OTUD7A: variants seen among roughly 807,000 people sequenced by gnomAD.
The protein encoded by OTUD7A is OTU deubiquitinase 7A, also known as OTU domain-containing protein 7A.
In OTUD7A, 12 loss-of-function variants were observed where a neutral mutation model predicts 65.7. That is an observed-to-expected ratio of 0.18 (90% CI 0.12 to 0.30). The LOEUF (loss-of-function observed/expected upper bound fraction) is 0.30, where lower values mean the gene tolerates loss of function less well. Ranked by LOEUF, OTUD7A falls within the 10% of genes least tolerant of loss-of-function variation. The probability of loss-of-function intolerance (pLI) is 1.00; values close to 1 mark genes in which losing one functional copy is unlikely to be tolerated. For missense variants in OTUD7A, 1,148 were observed against 1,304.8 expected (o/e 0.88, Z 1.85); for synonymous variants, 641 against 586.3 (o/e 1.09, Z -1.35).
At chr15:31,556,267 A>G (rs1447527352) in intron 5 of OTUD7A, 5 of 152,210 alleles carry the variant, frequency 3.3e-5, no homozygotes, top group South Asian at 2.1e-4. Context: ...CTCCCTGAAG[A>G]GTGAGACCCA....
chr15:31,524,349 A>G (rs2041981063), intron 8 of OTUD7A, among the ~76,000 whole-genome samples: 1 of 151,976 alleles, frequency 6.6e-6, no homozygotes, highest in Admixed American at 6.5e-5. Flanking sequence ...TAATGATCAG[A>G]CCAAATTTTG....
intron 5 of OTUD7A, among the ~76,000 whole-genome samples, chr15:31,540,282 G>A (rs1325783426): frequency 1.3e-5 from 2 of 152,144 alleles, no homozygotes; most frequent in African/African-American, 4.8e-5. Context: ...TCCCACAAAG[G>A]AGGTGAAAGA....
chr15:31,501,989 G>A (rs2041475828), intron 9 of OTUD7A, 150 bp from the exon 10 acceptor site: 1 of 868,622 alleles, frequency 1.2e-6, no homozygotes, highest in Non-Finnish European at 1.7e-6. Flanking sequence ...GCTGAGGGAT[G>A]GGGCTGAGGG....
intron 1 of OTUD7A, among the ~76,000 whole-genome samples, chr15:31,715,389 C>T (rs1048631603): frequency 1.1e-4 from 17 of 150,510 alleles, no homozygotes; most frequent in African/African-American, 3.9e-4. Context: ...GGACTGACTT[C>T]ACCTGGAAGA....
chr15:31,613,394 C>T (rs1410882881), intron 3 of OTUD7A, among the ~76,000 whole-genome samples: 1 of 152,142 alleles, frequency 6.6e-6, no homozygotes. Flanking sequence ...ACAATCTATA[C>T]ATTTGAGAAA....
rs1266189769 is a variant in OTUD7A at position 31,647,041 on chromosome 15, T to C, written c.151+8055A>G. Among the ~76,000 whole-genome samples, 6 of 152,340 alleles carry C rather than the reference T, an allele frequency of 3.9e-5. No individual in the cohort carries two copies. The East Asian group carries it at 9.6e-4, about 24-fold the overall frequency. ...AATTCTGATCTGGAGATGTTTATTT[T>C]TATTTTTTTTGACATTTTTTCCCCA... On this transcript the variant is annotated intron_variant, in intron 3 of 12. Transcript: ENST00000307050.
At chr15:31,795,850 G>A (rs1338149577) in intron 1 of OTUD7A, among the ~76,000 whole-genome samples, 1 of 152,162 alleles carries the variant, frequency 6.6e-6, no homozygotes, top group Non-Finnish European at 1.5e-5. Context: ...ATGTATCCCT[G>A]TAGGGCAAAG....
rs373717716 is a variant in OTUD7A, at chr15:31,722,957, G to A, written c.-99-65880C>T. On this transcript the variant is annotated intron_variant, in intron 1 of 12. Coordinates refer to ENST00000307050, the MANE Select transcript of OTUD7A (RefSeq NM_001382637.1). Reference sequence around the variant, plus strand: ...TTAGCCCCCTGACAGCAGTGTAGATGGGAAGAGAGCAGGGAAGATGTTGCT... The same window carrying A: ...TTAGCCCCCTGACAGCAGTGTAGATAGGAAGAGAGCAGGGAAGATGTTGCT... 2.3e-4 allele frequency among the ~76,000 whole-genome samples: 35 copies of A among 152,014 alleles called. 1 individual carries two copies. The highest frequency in any genetic ancestry group is 7.2e-4 in the African/African-American group (30 of 41,422).
intron 1 of OTUD7A, among the ~76,000 whole-genome samples, chr15:31,780,029 G>C (rs1001813005): frequency 1.3e-5 from 2 of 152,120 alleles, no homozygotes; most frequent in African/African-American, 4.8e-5. Flanking sequence ...GAGGGAGCAT[G>C]TCATCCTCAA....
intron 1 of OTUD7A, among the ~76,000 whole-genome samples, chr15:31,667,714 G>A (rs1892359587): frequency 1.3e-5 from 2 of 151,872 alleles, no homozygotes; most frequent in Non-Finnish European, 2.9e-5. Context: ...TTTTGTTTTT[G>A]CTTTTTAACT....
At chr15:31,819,909 G>C (rs1896639371) in intron 1 of OTUD7A, among the ~76,000 whole-genome samples, 1 of 151,980 alleles carries the variant, frequency 6.6e-6, no homozygotes, top group African/African-American at 2.4e-5. Context: ...TGTGATTATG[G>C]AGTAGGTATA....
chr15:31,665,448 T>C (rs1159582194), intron 1 of OTUD7A, among the ~76,000 whole-genome samples: 1 of 152,242 alleles, frequency 6.6e-6, no homozygotes, highest in East Asian at 1.9e-4. Flanking sequence ...GAGTTATTGA[T>C]TTGATTCTCT....
intron 1 of OTUD7A, among the ~76,000 whole-genome samples, chr15:31,682,242 A>T (rs541175129): frequency 6.6e-6 from 1 of 152,330 alleles, no homozygotes; most frequent in South Asian, 2.1e-4. Flanking sequence ...AAGAGACCAA[A>T]ATTGACCTAA....
At chr15:31,559,217 A>G (rs2141158079) in intron 4 of OTUD7A, 30 bp from the exon 5 acceptor site, 2 of 1,597,900 alleles carry the variant, frequency 1.3e-6, no homozygotes, top group South Asian at 1.1e-5. Flanking sequence ...GATAGCCCCA[A>G]GGGCTGAGTG....
chr15:31,570,113 T>C lies in OTUD7A; in HGVS notation c.236A>G (p.Asn79Ser), dbSNP rs918076876. 5 of 1,614,084 alleles carry C rather than the reference T, an allele frequency of 3.1e-6. No homozygotes were observed. The African/African-American group carries it at 4.0e-5, about 13-fold the overall frequency. The change falls in exon 4 of 13, where the codon AAT becomes AGT. Residue 79 changes from asparagine (N) to serine (S), a missense_variant. Transcript: ENST00000307050. ...VHTANLPHVF[N>S]EGRGPKQPER... ...TGGCTGCTTGGGACCCCGCCCTTCA[T>C]TGAACACATGTGGCAGATTGGCTGT... is the stretch of plus-strand genomic sequence containing the variant.
chr15:31,762,963 C>G (rs1895007381), intron 1 of OTUD7A, among the ~76,000 whole-genome samples: 1 of 152,012 alleles, frequency 6.6e-6, no homozygotes, highest in Non-Finnish European at 1.5e-5. Context: ...TAACCATGCT[C>G]CAAGACGTAA....
chr15:31,755,083 AAG>A (rs1894773857), intron 1 of OTUD7A, among the ~76,000 whole-genome samples: 1 of 142,434 alleles, frequency 7.0e-6, no homozygotes, highest in African/African-American at 2.5e-5. Flanking sequence ...GTGTGTGTGA[AAG>A]AGAGAAGAGA....
Position 31,712,980 on chromosome 15 carries a change from C to T in OTUD7A, c.-99-55903G>A, listed in dbSNP as rs1893485381. On this transcript the variant is annotated intron_variant, in intron 1 of 12. Coordinates refer to ENST00000307050, the MANE Select transcript of OTUD7A (RefSeq NM_001382637.1). The stretch of plus-strand genomic sequence containing the variant: ...AACTGGGGCTTCTGGCCTGGCATCT[C>T]ATTTTAGATGTGTCATCTGTTACAC... Among the ~76,000 whole-genome samples, 3 of 152,194 alleles carry T rather than the reference C, an allele frequency of 2.0e-5. No individual in the cohort carries two copies. The South Asian group carries it at 6.2e-4, about 32-fold the overall frequency.
intron 3 of OTUD7A, among the ~76,000 whole-genome samples, chr15:31,638,537 A>C (rs1253697466): frequency 2.0e-5 from 3 of 149,032 alleles, no homozygotes; most frequent in African/African-American, 7.4e-5. Flanking sequence ...GCACCACCAA[A>C]CCAGGCTGAT....
Sources: gnomAD v4.1 joint callset for allele counts (sites outside exome capture counted in the v4.1 genomes callset) on GRCh38, gnomAD v4.1.1 for gene constraint, MANE v1.5 for transcripts, NCBI Gene and HGNC (gene_info 2026-07-23, HGNC 2026-07-21) for gene names.